The following CNTNAP2 variants were observed in gnomAD, a reference collection of about 807,000 sequenced individuals.
CNTNAP2 encodes contactin-associated protein-like 2.
A neutral mutation model predicts 155.2 loss-of-function variants in CNTNAP2; 98 were observed. The ratio of observed to expected loss-of-function variants is 0.63; its 90% CI spans 0.54 to 0.75. The LOEUF (loss-of-function observed/expected upper bound fraction) is 0.75, where lower values mean the gene tolerates loss of function less well. Among genes scored for constraint, CNTNAP2 ranks in the 30% least tolerant of loss-of-function variants. The pLI, the probability that CNTNAP2 is intolerant of heterozygous loss-of-function variation, is 0.00. For synonymous variants in CNTNAP2, 651 were observed against 631.2 expected, an observed-to-expected ratio of 1.03 and a Z score of -0.47; for missense variants, 1,727 against 1,688.1, an observed-to-expected ratio of 1.02 and a Z score of -0.40.
rs552271022 is a variant in CNTNAP2, at chr7:146,360,845, C to T, written c.97+243872C>T. Among the ~76,000 whole-genome samples, 11 of 152,202 alleles carry T rather than the reference C, an allele frequency of 7.2e-5. No individual in the cohort carries two copies. In the South Asian group the frequency reaches 2.1e-3, roughly 29 times the overall value. On this transcript the variant is annotated intron_variant, in intron 1 of 23. Coordinates refer to ENST00000361727, the MANE Select transcript of CNTNAP2 (RefSeq NM_014141.6). Reference sequence around the variant, plus strand: ...AAATTGATGTATAACAAACGTATCCCCTTGAAGTGGCACTTATTTCCCCAG... The same window carrying T: ...AAATTGATGTATAACAAACGTATCCTCTTGAAGTGGCACTTATTTCCCCAG...
At chr7:147,329,310 T>C (rs1358202553) in intron 9 of CNTNAP2, among the ~76,000 whole-genome samples, 3 of 152,134 alleles carry the variant, frequency 2.0e-5, no homozygotes, top group Non-Finnish European at 2.9e-5. Flanking sequence ...TTATAAGTTA[T>C]ACATTCTTAT....
chr7:146,460,659 C>G (rs1290189186), intron 1 of CNTNAP2, among the ~76,000 whole-genome samples: 2 of 152,130 alleles, frequency 1.3e-5, no homozygotes, highest in African/African-American at 4.8e-5. Context: ...AGAAGGAAAT[C>G]CTGTCCTTTG....
chr7:148,122,222 T>C (rs1294210269), intron 16 of CNTNAP2, among the ~76,000 whole-genome samples: 2 of 152,178 alleles, frequency 1.3e-5, no homozygotes, highest in Admixed American at 1.3e-4. Context: ...GCAGAGCTGG[T>C]GTTTGACCCC....
intron 15 of CNTNAP2, among the ~76,000 whole-genome samples, chr7:148,032,238 A>G (rs927537411): frequency 1.3e-5 from 2 of 152,164 alleles, no homozygotes; most frequent in East Asian, 1.9e-4. Context: ...CAGTCCATCT[A>G]TGTCTCACTG....
At position 146,955,380 on chromosome 7, in the gene CNTNAP2, TA is replaced by T. The variant is rs369068241; in HGVS notation, c.403-88526del. Among the ~76,000 whole-genome samples, 7 of 152,076 alleles carry T rather than the reference TA, an allele frequency of 4.6e-5. 1 individual carries two copies. The highest frequency in any genetic ancestry group is 1.4e-4 in the African/African-American group (6 of 41,546). On this transcript the variant is annotated intron_variant, in intron 3 of 23. Coordinates refer to ENST00000361727, the MANE Select transcript of CNTNAP2 (RefSeq NM_014141.6). ...ACTTTTCCTAGCACGAAGACCTGCT[TA>T]TATGCCACACAAGTGTCTCTTAAAA...
At chr7:148,080,830 G>C (rs1803589166) in intron 15 of CNTNAP2, among the ~76,000 whole-genome samples, 1 of 152,104 alleles carries the variant, frequency 6.6e-6, no homozygotes, top group South Asian at 2.1e-4. Flanking sequence ...ACATACGTGG[G>C]GATCTTGTTT....
At position 146,825,946 on chromosome 7, in the gene CNTNAP2, G is replaced by A. The variant is rs532606386; in HGVS notation, c.209-13765G>A. Among the ~76,000 whole-genome samples the A allele has an allele frequency of 3.5e-4, 53 of 152,192 alleles. 1 individual carries two copies. The highest frequency in any genetic ancestry group is 1.2e-4 in the Non-Finnish European group (8 of 67,990). ...TGTACACATTGTTTTGCATCTATTT[G>A]TATATACCATTGACATTATTGCCTG... On this transcript the variant is annotated intron_variant, in intron 2 of 23. Transcript: ENST00000361727.
In CNTNAP2 at chr7:147,236,317, C is replaced by T. The variant is rs563873641; in HGVS notation, c.1349-63824C>T. ...TTGGTTGCCCTAAACCCCACTGGCT[C>T]TCTGATTTTCCATGCCTGGCTAATT... On this transcript the variant is annotated intron_variant, in intron 8 of 23. Coordinates refer to ENST00000361727, the MANE Select transcript of CNTNAP2 (RefSeq NM_014141.6). 2.6e-5 allele frequency among the ~76,000 whole-genome samples: 4 copies of T among 152,320 alleles called. No individual in the cohort carries two copies. The South Asian group carries it at 8.3e-4, about 32-fold the overall frequency.
intron 3 of CNTNAP2, among the ~76,000 whole-genome samples, chr7:147,018,729 G>T (rs1454746404): frequency 6.6e-6 from 1 of 152,034 alleles, no homozygotes; most frequent in East Asian, 1.9e-4. Context: ...AAATAGTAAA[G>T]TATTTGGATA....
intron 8 of CNTNAP2, among the ~76,000 whole-genome samples, chr7:147,160,335 T>C (rs1389535963): frequency 6.6e-6 from 1 of 152,086 alleles, no homozygotes; most frequent in Non-Finnish European, 1.5e-5. Flanking sequence ...TATCAAATTA[T>C]GGAAATATGG....
intron 1 of CNTNAP2, among the ~76,000 whole-genome samples, chr7:146,333,188 A>T (rs377116075): frequency 6.6e-6 from 1 of 151,464 alleles, no homozygotes; most frequent in Non-Finnish European, 1.5e-5. Flanking sequence ...CAAATAATCC[A>T]CCCGCCTCGG....
intron 1 of CNTNAP2, among the ~76,000 whole-genome samples, chr7:146,179,470 T>C (rs1043678468): frequency 6.6e-6 from 1 of 152,150 alleles, no homozygotes; most frequent in African/African-American, 2.4e-5. Flanking sequence ...CCAAACTAAT[T>C]GATATGCCTG....
At chr7:146,416,940 C>A (rs770733404) in intron 1 of CNTNAP2, among the ~76,000 whole-genome samples, 7 of 152,062 alleles carry the variant, frequency 4.6e-5, no homozygotes, top group African/African-American at 7.2e-5. Context: ...AGCAAGAAGA[C>A]TGATGATTTC....
intron 8 of CNTNAP2, among the ~76,000 whole-genome samples, chr7:147,272,753 C>T (rs1419328826): frequency 2.0e-5 from 3 of 151,486 alleles, no homozygotes; most frequent in East Asian, 1.9e-4. Context: ...ATGATCCACC[C>T]GCCTTGGCCT....
chr7:146,945,781 G>T (rs1479622712), intron 3 of CNTNAP2, among the ~76,000 whole-genome samples: 1 of 152,108 alleles, frequency 6.6e-6, no homozygotes, highest in African/African-American at 2.4e-5. Flanking sequence ...TGTTGGAAAT[G>T]TAAGAAAATG....
intron 3 of CNTNAP2, among the ~76,000 whole-genome samples, chr7:146,917,943 C>T (rs531186588): frequency 9.7e-4 from 147 of 152,218 alleles, no homozygotes; most frequent in Admixed American, 2.1e-3. Context: ...TGAACTAATA[C>T]GTCTTTTTTA....
intron 1 of CNTNAP2, among the ~76,000 whole-genome samples, chr7:146,618,288 AATT>A (rs1036634962): frequency 6.6e-6 from 1 of 152,156 alleles, no homozygotes. Context: ...AAAATTACAA[AATT>A]ATTGTTGATT....
At chr7:148,075,715 A>T (rs946337400) in intron 15 of CNTNAP2, among the ~76,000 whole-genome samples, 10 of 152,194 alleles carry the variant, frequency 6.6e-5, no homozygotes, top group Admixed American at 5.9e-4. Context: ...ATTGACAGGG[A>T]AAGTCTTATA....
At chr7:148,027,653 C>T (rs553298264) in intron 15 of CNTNAP2, among the ~76,000 whole-genome samples, 3 of 152,118 alleles carry the variant, frequency 2.0e-5, no homozygotes, top group Non-Finnish European at 4.4e-5. Context: ...AGAATCTGTA[C>T]TTTTAACAAT....
Sources: allele counts gnomAD v4.1 joint callset (sites outside exome capture counted in the v4.1 genomes callset), GRCh38; gene constraint gnomAD v4.1.1; transcripts MANE v1.5; gene names NCBI Gene and HGNC (gene_info 2026-07-23, HGNC 2026-07-21).